The following ARMH4 variants were observed in gnomAD, a reference collection of about 807,000 sequenced individuals.
ARMH4 encodes the protein armadillo-like helical domain-containing protein 4.
In ARMH4, 49 loss-of-function variants were observed where a neutral mutation model predicts 61.9. The ratio of observed to expected loss-of-function variants is 0.79; its 90% CI spans 0.63 to 1.00. The LOEUF (loss-of-function observed/expected upper bound fraction) is 1.00. ARMH4 is among the 50% of genes least tolerant of loss of function. The probability of loss-of-function intolerance (pLI) is 0.00; values close to 1 mark genes in which losing one functional copy is unlikely to be tolerated. For missense variants in ARMH4, 934 were observed against 930.0 expected, an observed-to-expected ratio of 1.00 and a Z score of -0.06; for synonymous variants, 368 against 341.5, an observed-to-expected ratio of 1.08 and a Z score of -0.85.
chr14:58,010,663 A>G (rs1882375165), intron 6 of ARMH4, among the ~76,000 whole-genome samples: 1 of 152,146 alleles, frequency 6.6e-6, no homozygotes, highest in Non-Finnish European at 1.5e-5. Flanking sequence ...AAAGGTACCA[A>G]GATTTTGAGA....
chr14:58,072,709 G>A (rs1566567289), intron 5 of ARMH4, among the ~76,000 whole-genome samples: 1 of 151,738 alleles, frequency 6.6e-6, no homozygotes, highest in Non-Finnish European at 1.5e-5. Context: ...GCAACAGAGT[G>A]AGACTCCATC....
chr14:58,064,151 G>A (rs552442912), intron 5 of ARMH4, among the ~76,000 whole-genome samples: 2 of 149,906 alleles, frequency 1.3e-5, no homozygotes, highest in African/African-American at 5.1e-5. Context: ...ATCAAGAAAC[G>A]GTCACTTATA....
intron 1 of ARMH4, 85 bp from the exon 2 acceptor site, chr14:58,139,499 TCTC>T: frequency 1.3e-6 from 1 of 757,890 alleles, no homozygotes. Context: ...AGTAAAATAA[TCTC>T]CTTGACTTTA....
rs1194086569 is a variant in ARMH4, at chr14:58,005,073, T to C, written c.2231A>G (p.Asn744Ser). The C allele has an allele frequency of 1.2e-6, 2 of 1,614,054 alleles. No individual in the cohort carries two copies. The highest frequency in any genetic ancestry group is 1.1e-5 in the South Asian group (1 of 91,078). Residue 744 changes from asparagine (N) to serine (S), a missense_variant, in exon 7 of 8, where the codon AAT becomes AGT. By Grantham distance (46) the Asn-to-Ser change is conservative. Coordinates refer to ENST00000267485, the MANE Select transcript of ARMH4 (RefSeq NM_001001872.4). ...CTTTCTTTTATGCCTTTTGAAGCCATTTCTCCTTCGGCGATTCATAACCTT... is the reference window on the plus strand; with the variant it reads ...CTTTCTTTTATGCCTTTTGAAGCCACTTCTCCTTCGGCGATTCATAACCTT... Reference protein sequence around the residue: ...SIKVMNRRRRNGFKRHKRKQR... With the variant: ...SIKVMNRRRRSGFKRHKRKQR...
intron 6 of ARMH4, among the ~76,000 whole-genome samples, chr14:58,011,610 G>A (rs910737865): frequency 1.3e-5 from 2 of 151,970 alleles, no homozygotes; most frequent in African/African-American, 4.8e-5. Context: ...ATATCAACCT[G>A]GAAGTTAACG....
chr14:58,096,797 G>C lies in ARMH4; in HGVS notation c.2016C>G (p.Asn672Lys). 3 of 1,614,110 alleles carry C rather than the reference G, an allele frequency of 1.9e-6. No individual in the cohort carries two copies. Among genetic ancestry groups the C allele is most frequent in the Non-Finnish European group, 2.5e-6 (3 of 1,180,024 alleles). ...AGGTAGCTCCCTCCAACAGGTCCATGTTTCCCTCCTCTAAGCCTGGTTCCT... is the reference window on the plus strand; with the variant it reads ...AGGTAGCTCCCTCCAACAGGTCCATCTTTCCCTCCTCTAAGCCTGGTTCCT... Reference protein sequence around the residue: ...TSQEPGLEEGNMDLLEGATYQ... With the variant: ...TSQEPGLEEGKMDLLEGATYQ... Residue 672 changes from asparagine (N) to lysine (K), a missense_variant, in exon 5 of 8, where the codon AAC (asparagine) becomes AAG (lysine). Coordinates refer to ENST00000267485, the MANE Select transcript of ARMH4 (RefSeq NM_001001872.4).
At chr14:58,079,137 T>C (rs564703349) in intron 5 of ARMH4, among the ~76,000 whole-genome samples, 9 of 152,332 alleles carry the variant, frequency 5.9e-5, no homozygotes, top group African/African-American at 1.4e-4. Context: ...TAACTACTTA[T>C]AAAACCTAAA....
rs1243815996 is a variant in ARMH4, at chr14:58,001,766, G to A, written c.*2970C>T. On this transcript the variant is annotated 3_prime_UTR_variant, in exon 8 of 8. Transcript: ENST00000267485. ...TCTAACTCATCAGGTCTGGGGCAAG[G>A]CCTTGAGATCTGTATGTTTCACAAG... 1 of 152,082 alleles carries A rather than the reference G, an allele frequency of 6.6e-6. No homozygotes were observed. The highest frequency in any genetic ancestry group is 2.4e-5 in the African/African-American group (1 of 41,376). The allele number at this position is 152,082 out of a possible 1,614,324, so 9.4% of individuals were successfully genotyped here.
At chr14:58,120,391 A>G (rs1886686556) in intron 4 of ARMH4, among the ~76,000 whole-genome samples, 1 of 152,108 alleles carries the variant, frequency 6.6e-6, no homozygotes, top group South Asian at 2.1e-4. Context: ...ACAGGGGTAT[A>G]CACCAATCCA....
At chr14:58,126,863 T>C (rs765811940) in intron 4 of ARMH4, among the ~76,000 whole-genome samples, 6 of 149,938 alleles carry the variant, frequency 4.0e-5, no homozygotes, top group South Asian at 2.1e-4. Flanking sequence ...AATGCAGTGG[T>C]GTGATCTCGG....
At chr14:58,044,056 T>A (rs1325704185) in intron 5 of ARMH4, among the ~76,000 whole-genome samples, 1 of 152,144 alleles carries the variant, frequency 6.6e-6, no homozygotes, top group Non-Finnish European at 1.5e-5. Context: ...AATTTATAGA[T>A]TCAATGCCAT....
At chr14:58,051,735 G>A (rs1490891290) in intron 5 of ARMH4, among the ~76,000 whole-genome samples, 1 of 151,998 alleles carries the variant, frequency 6.6e-6, no homozygotes, top group Non-Finnish European at 1.5e-5. Flanking sequence ...AAATTGAACG[G>A]TCTTATATGA....
intron 5 of ARMH4, among the ~76,000 whole-genome samples, chr14:58,078,740 A>T (rs1003331639): frequency 6.6e-6 from 1 of 152,258 alleles, no homozygotes; most frequent in South Asian, 2.1e-4. Context: ...TAAGTAAACA[A>T]GTAGGCATGG....
At chr14:58,025,049 C>T (rs1001008334) in intron 5 of ARMH4, among the ~76,000 whole-genome samples, 2 of 152,038 alleles carry the variant, frequency 1.3e-5, no homozygotes, top group African/African-American at 4.8e-5. Context: ...CAGAGTGATC[C>T]CATGCTATAG....
chr14:58,132,672 G>GC (rs1887153590), intron 3 of ARMH4, among the ~76,000 whole-genome samples: 1 of 132,060 alleles, frequency 7.6e-6, no homozygotes, highest in South Asian at 2.7e-4. Context: ...TGCAAGCTCC[G>GC]CCCCCCGGGT....
intron 4 of ARMH4, among the ~76,000 whole-genome samples, chr14:58,104,404 G>A (rs1386170744): frequency 6.6e-6 from 1 of 152,168 alleles, no homozygotes; most frequent in Non-Finnish European, 1.5e-5. Context: ...CCAAATCATA[G>A]AGCTAGCCTG....
chr14:58,112,286 CTT>C (rs375451865), intron 4 of ARMH4, among the ~76,000 whole-genome samples: 15 of 133,320 alleles, frequency 1.1e-4, no homozygotes, highest in South Asian at 2.4e-4. Context: ...CTTAATTTTT[CTT>C]TTTTTTTTTT....
intron 4 of ARMH4, among the ~76,000 whole-genome samples, chr14:58,125,145 T>A (rs1488691348): frequency 6.6e-6 from 1 of 151,778 alleles, no homozygotes; most frequent in Non-Finnish European, 1.5e-5. Context: ...CAAGTGGACA[T>A]TGAAGCCAAA....
chr14:58,106,734 C>T (rs1399336324), intron 4 of ARMH4, among the ~76,000 whole-genome samples: 1 of 151,918 alleles, frequency 6.6e-6, no homozygotes, highest in Non-Finnish European at 1.5e-5. Flanking sequence ...ATTCTCCAAA[C>T]TTACATTGTT....
Sources: gnomAD v4.1 joint callset for allele counts (sites outside exome capture counted in the v4.1 genomes callset) on GRCh38, gnomAD v4.1.1 for gene constraint, MANE v1.5 for transcripts, NCBI Gene and HGNC (gene_info 2026-07-23, HGNC 2026-07-21) for gene names.